The following MYOF variants were observed in gnomAD, a reference collection of about 807,000 sequenced individuals.
MYOF encodes myoferlin.
Under a neutral mutation model 284.2 loss-of-function variants are expected in MYOF, and 244 were observed. The ratio of observed to expected loss-of-function variants is 0.86; its 90% CI spans 0.77 to 0.95. The LOEUF is 0.95. MYOF is among the 40% of genes least tolerant of loss of function. MYOF has a pLI of 0.00. For missense variants in MYOF, 2,496 were observed against 2,560.6 expected (o/e 0.97, Z 0.54); for synonymous variants, 904 against 919.7 (o/e 0.98, Z 0.31).
chr10:93,431,225 C>T (rs751402188), intron 4 of MYOF, among the ~76,000 whole-genome samples, 183 bp downstream of exon 4: 7 of 152,098 alleles, frequency 4.6e-5, no homozygotes, highest in East Asian at 3.9e-4. Flanking sequence ...GATGGGGTTT[C>T]GGCATGTTGG....
At chr10:93,346,219 T>C (rs1356164958) in intron 37 of MYOF, among the ~76,000 whole-genome samples, 1 of 152,252 alleles carries the variant, frequency 6.6e-6, no homozygotes, top group Non-Finnish European at 1.5e-5. Flanking sequence ...ACTGTGGATT[T>C]TTTTCCTCTT....
At chr10:93,375,952 C>A (rs994391256) in intron 22 of MYOF, among the ~76,000 whole-genome samples, 2 of 152,194 alleles carry the variant, frequency 1.3e-5, no homozygotes, top group Admixed American at 1.3e-4. Context: ...GGATTTCCAC[C>A]AGGTTCACGA....
rs182875231 is a variant in MYOF, at chr10:93,310,782, G to T, written c.5890-139C>A. 1.3e-3 allele frequency: 976 copies of T among 777,676 alleles called. 1 individual carries two copies. The highest frequency in any genetic ancestry group is 1.7e-3 in the Non-Finnish European group (822 of 492,656). 48.2% of individuals were successfully genotyped at this position (777,676 alleles called of 1,614,324 possible). A position where few individuals can be genotyped will look rare whatever the true frequency, so the allele number is the denominator to read the frequency against. ...AGATTGCCTTCAGTTTTCCTCAAGAGATTTCATCCCATTTCCTCTTCCATG... is the reference window on the plus strand; with the variant it reads ...AGATTGCCTTCAGTTTTCCTCAAGATATTTCATCCCATTTCCTCTTCCATG... On this transcript the variant is annotated intron_variant, in intron 51 of 53. Coordinates refer to ENST00000359263, the MANE Select transcript of MYOF (RefSeq NM_013451.4).
intron 29 of MYOF, among the ~76,000 whole-genome samples, chr10:93,359,296 A>G (rs1389535459): frequency 1.3e-5 from 2 of 152,248 alleles, no homozygotes; most frequent in Non-Finnish European, 2.9e-5. Context: ...AGTACCTAGC[A>G]TTATAGAAAG....
At chr10:93,382,901 A>G (rs1366906613) in intron 19 of MYOF, among the ~76,000 whole-genome samples, 2 of 151,908 alleles carry the variant, frequency 1.3e-5, no homozygotes, top group African/African-American at 4.8e-5. Flanking sequence ...TGGAATTTTT[A>G]ATTCTTTTTT....
rs1847033330 is a variant in MYOF at position 93,396,802 on chromosome 10, G to A, written c.1334+445C>T. Reference sequence around the variant, plus strand: ...TGTTATGGCCAATCAGTGCTAGAAGGCTGGTCTACTAAAAATTCTATCAGA... The same window carrying A: ...TGTTATGGCCAATCAGTGCTAGAAGACTGGTCTACTAAAAATTCTATCAGA... On this transcript the variant is annotated intron_variant, in intron 15 of 53. Coordinates refer to ENST00000359263, the MANE Select transcript of MYOF (RefSeq NM_013451.4). Among the ~76,000 whole-genome samples, 3 of 152,174 alleles carry A rather than the reference G, an allele frequency of 2.0e-5. No homozygotes were observed. In the South Asian group the frequency reaches 6.2e-4, roughly 32 times the overall value.
At chr10:93,396,769 A>T (rs1847031191) in intron 15 of MYOF, among the ~76,000 whole-genome samples, 1 of 152,170 alleles carries the variant, frequency 6.6e-6, no homozygotes, top group Non-Finnish European at 1.5e-5. Flanking sequence ...ACATTCCAAG[A>T]ATGGTCTTGT....
chr10:93,442,762 A>G (rs1224317162), intron 3 of MYOF, among the ~76,000 whole-genome samples: 1 of 152,226 alleles, frequency 6.6e-6, no homozygotes, highest in East Asian at 1.9e-4. Context: ...CAGACATTGT[A>G]ATTGTCATCT....
At chr10:93,470,312 G>A (rs1198779091) in intron 1 of MYOF, among the ~76,000 whole-genome samples, 1 of 151,974 alleles carries the variant, frequency 6.6e-6, no homozygotes, top group Non-Finnish European at 1.5e-5. Flanking sequence ...TACATGTGAA[G>A]CATGTAGCAC....
chr10:93,348,195 T>C (rs1844327809), intron 36 of MYOF, among the ~76,000 whole-genome samples: 1 of 152,204 alleles, frequency 6.6e-6, no homozygotes, highest in Admixed American at 6.5e-5. Flanking sequence ...GGAGGGGACA[T>C]GCACAAGGCT....
Position 93,310,640 on chromosome 10 carries a change from TC to T in MYOF, c.5892del (p.Val1966TrpfsTer3), listed in dbSNP as rs773821757. ...AGGATTTCCAATGTCATCTCCACTT[TC>T]CCCTTCAGTAAAGCAGAGCAGGTTA... ...AEKDGARVMA[G>X]KVEMTLEILN... On this transcript the variant is annotated frameshift_variant and splice_region_variant, in exon 52 of 54. Transcript: ENST00000359263. LOFTEE classifies it high-confidence loss of function. 4 of 1,614,092 alleles carry T rather than the reference TC, an allele frequency of 2.5e-6. No individual in the cohort carries two copies. The highest frequency in any genetic ancestry group is 3.4e-6 in the Non-Finnish European group (4 of 1,179,988).
At chr10:93,329,094 C>A (rs1419878045) in intron 44 of MYOF, among the ~76,000 whole-genome samples, 183 bp from the exon 45 acceptor site, 1 of 152,116 alleles carries the variant, frequency 6.6e-6, no homozygotes, top group Non-Finnish European at 1.5e-5. Context: ...GCTATTTTGG[C>A]CTCAGAGAAA....
intron 46 of MYOF, 110 bp downstream of exon 46, chr10:93,325,716 T>C: frequency 7.6e-7 from 1 of 1,322,862 alleles, no homozygotes; most frequent in Non-Finnish European, 1.0e-6. Flanking sequence ...TCATTTCTAT[T>C]TCTGTGCATC....
At chr10:93,399,309 T>C in intron 13 of MYOF, 83 bp downstream of exon 13, 2 of 1,058,502 alleles carry the variant, frequency 1.9e-6, no homozygotes, top group South Asian at 3.0e-5. Flanking sequence ...TAACAAAGAG[T>C]AAGCAGGAAT....
At chr10:93,366,264 G>A in intron 26 of MYOF, 128 bp downstream of exon 26, 1 of 982,442 alleles carries the variant, frequency 1.0e-6, no homozygotes, top group South Asian at 1.6e-5. Context: ...AAATTTCAAT[G>A]GACTTAGTTC....
At chr10:93,425,808 G>A (rs1226392341) in intron 5 of MYOF, 1 of 507,588 alleles carries the variant, frequency 2.0e-6, no homozygotes, top group African/African-American at 1.9e-5. Context: ...ACATTCTGCT[G>A]GAGCCGGCAT....
intron 3 of MYOF, among the ~76,000 whole-genome samples, chr10:93,437,320 G>C (rs1849171880): frequency 1.3e-5 from 2 of 151,770 alleles, no homozygotes; most frequent in African/African-American, 4.8e-5. Flanking sequence ...GTTTACAAAA[G>C]AGAAATGGAA....
chr10:93,350,524 G>A (rs1024274651), intron 35 of MYOF, among the ~76,000 whole-genome samples: 1 of 152,130 alleles, frequency 6.6e-6, no homozygotes, highest in South Asian at 2.1e-4. Context: ...TGTTGACCGG[G>A]TTGGCCTCGA....
At chr10:93,413,268 GAGGAAACCAGCCTA>G (rs1847980145) in intron 5 of MYOF, among the ~76,000 whole-genome samples, 1 of 152,206 alleles carries the variant, frequency 6.6e-6, no homozygotes, top group African/African-American at 2.4e-5. Context: ...GGATGGGTCA[GAGGAAACCAGCCTA>G]AGCCATGGTG....
Sources: gnomAD v4.1 joint callset for allele counts (sites outside exome capture counted in the v4.1 genomes callset) on GRCh38, gnomAD v4.1.1 for gene constraint, MANE v1.5 for transcripts, NCBI Gene and HGNC (gene_info 2026-07-23, HGNC 2026-07-21) for gene names.